Variants in CDH4 observed in about 807,000 individuals in gnomAD.
The protein encoded by CDH4 is cadherin-4.
Under a neutral mutation model 86.0 loss-of-function variants are expected in CDH4, and 33 were observed. The ratio of observed to expected loss-of-function variants is 0.38; its 90% CI spans 0.29 to 0.51. The LOEUF (loss-of-function observed/expected upper bound fraction) is 0.51. Among genes scored for constraint, CDH4 ranks in the 20% least tolerant of loss-of-function variants. The probability of loss-of-function intolerance (pLI) is 0.86; values close to 1 mark genes in which losing one functional copy is unlikely to be tolerated. For missense variants in CDH4, 1,114 were observed against 1,307.4 expected (o/e 0.85, Z 2.28); for synonymous variants, 555 against 549.4 (o/e 1.01, Z -0.14).
chr20:61,546,085 C>T (rs1320570292), intron 2 of CDH4, among the ~76,000 whole-genome samples: 37 of 636 alleles, frequency 0.058, 1 homozygote, highest in African/African-American at 0.074. Flanking sequence ...TTTGTTCACA[C>T]GTGTGTGTGT....
At chr20:61,446,717 C>G (rs879713858) in intron 2 of CDH4, among the ~76,000 whole-genome samples, 5 of 152,114 alleles carry the variant, frequency 3.3e-5, no homozygotes, top group African/African-American at 1.2e-4. Flanking sequence ...CTGGTCTGCC[C>G]GAAGAAAGCC....
intron 2 of CDH4, among the ~76,000 whole-genome samples, chr20:61,431,151 G>A (rs1028182445): frequency 2.0e-5 from 3 of 152,220 alleles, no homozygotes; most frequent in South Asian, 4.1e-4. Flanking sequence ...GGGGAAGCAC[G>A]TGGGTAGAGG....
At chr20:61,285,082 TTTG>T (rs1378222853) in intron 2 of CDH4, among the ~76,000 whole-genome samples, 3 of 144,514 alleles carry the variant, frequency 2.1e-5, no homozygotes, top group African/African-American at 8.3e-5. Flanking sequence ...GTTTTTTTTT[TTTG>T]TTTGTTTGTT....
chr20:61,826,685 C>T lies in CDH4; in HGVS notation c.577-17983C>T, dbSNP rs561768950. 4.6e-5 allele frequency among the ~76,000 whole-genome samples: 7 copies of T among 152,286 alleles called. No homozygotes were observed. In the East Asian group the frequency reaches 9.7e-4, roughly 21 times the overall value. ...TTGTTCTCGGGTGAATTAAGTAAGT[C>T]GCTATTTCACACCTACTGCATGCAT... On this transcript the variant is annotated intron_variant, in intron 4 of 15. Transcript: ENST00000614565.
chr20:61,359,710 G>A (rs1005585766), intron 2 of CDH4, among the ~76,000 whole-genome samples: 1 of 152,174 alleles, frequency 6.6e-6, no homozygotes, highest in Non-Finnish European at 1.5e-5. Flanking sequence ...AAAACCTAAA[G>A]GCTGCATTCT....
In CDH4 at chr20:61,556,706, TCTC is replaced by T. The variant is rs555931187; in HGVS notation, c.170-186855_170-186853del. Reference sequence around the variant, plus strand: ...GGCCACCCGTGTAAGCCCGCGTGCTTCTCCAGTGCCCCCAGTGGAGGTCCCCCA... The same window carrying T: ...GGCCACCCGTGTAAGCCCGCGTGCTTCAGTGCCCCCAGTGGAGGTCCCCCA... On this transcript the variant is annotated intron_variant, in intron 2 of 15. Transcript: ENST00000614565. Among the ~76,000 whole-genome samples the T allele has an allele frequency of 5.8e-4, 88 of 152,192 alleles. 1 individual carries two copies. In the South Asian group the frequency reaches 7.5e-3, roughly 13 times the overall value.
intron 4 of CDH4, among the ~76,000 whole-genome samples, chr20:61,801,911 T>C (rs760416090): frequency 3.3e-5 from 5 of 152,198 alleles, no homozygotes; most frequent in Non-Finnish European, 7.3e-5. Context: ...CAAACTCTCT[T>C]TTGCCATGGA....
intron 2 of CDH4, among the ~76,000 whole-genome samples, chr20:61,367,864 G>A (rs114123545): frequency 0.17 from 24,483 of 144,082 alleles, 2,736 homozygotes; most frequent in East Asian, 0.35. Flanking sequence ...CTTTCTCCAG[G>A]ATCTTTTTTT....
chr20:61,271,997 G>A (rs1017478609), intron 2 of CDH4, among the ~76,000 whole-genome samples: 2 of 152,162 alleles, frequency 1.3e-5, no homozygotes, highest in Non-Finnish European at 2.9e-5. Context: ...GCGGGGGACC[G>A]GGAGGCAAGG....
In CDH4 at chr20:61,773,033, G is replaced by A; in HGVS notation, c.427G>A (p.Asp143Asn). 2 of 1,613,310 alleles carry A rather than the reference G, an allele frequency of 1.2e-6. No individual in the cohort carries two copies. Among genetic ancestry groups the A allele is most frequent in the Non-Finnish European group, 1.7e-6 (2 of 1,179,542 alleles). The change falls in exon 4 of 16, where the codon GAC (aspartate) becomes AAC (asparagine). Residue 143 changes from aspartate to asparagine, a missense_variant. Asp to Asn is a conservative substitution (Grantham distance 23). Around this residue, in one of 3 missense-constraint regions of CDH4, gnomAD observed 221 missense variants for 209.5 expected, o/e 1.05. Transcript: ENST00000614565. The part of the protein sequence containing the change: ...PQKGKKVVAL[D>N]PSPPPKDTLL... ...GAAAGGAAAGAAGGTCGTGGCTCTG[G>A]ACCCCTCTCCGCCTCCGAAGGACAC... is the stretch of plus-strand genomic sequence containing the variant.
At chr20:61,472,826 G>A (rs2145570056) in intron 2 of CDH4, among the ~76,000 whole-genome samples, 1 of 152,126 alleles carries the variant, frequency 6.6e-6, no homozygotes, top group South Asian at 2.1e-4. Flanking sequence ...ATTTTACACA[G>A]GCCTGCTTTT....
At chr20:61,418,501 G>A (rs1600959439) in intron 2 of CDH4, among the ~76,000 whole-genome samples, 1 of 152,120 alleles carries the variant, frequency 6.6e-6, no homozygotes, top group Non-Finnish European at 1.5e-5. Flanking sequence ...TTGAGCCACC[G>A]CGCCTGGCCA....
chr20:61,609,972 ACTTAT>A (rs1379687114), intron 2 of CDH4, among the ~76,000 whole-genome samples: 1 of 152,162 alleles, frequency 6.6e-6, no homozygotes, highest in Non-Finnish European at 1.5e-5. Context: ...CACCTCAAAC[ACTTAT>A]CTTTTCTTAG....
chr20:61,672,866 C>G (rs1045950313), intron 2 of CDH4, among the ~76,000 whole-genome samples: 1 of 151,854 alleles, frequency 6.6e-6, no homozygotes, highest in African/African-American at 2.4e-5. Flanking sequence ...ATGGGTGAGG[C>G]GCAGGCCTGA....
In CDH4 at chr20:61,543,557, A is replaced by G. The variant is rs6121681; in HGVS notation, c.170-200006A>G. Among the ~76,000 whole-genome samples the G allele has an allele frequency of 8.8e-4, 134 of 152,356 alleles. 1 individual carries two copies. Among genetic ancestry groups the G allele is most frequent in the African/African-American group, 3.0e-3 (126 of 41,596 alleles). The stretch of plus-strand genomic sequence containing the variant: ...TACTTATGACATTGCCAAACCAAGC[A>G]TTATCTTTCTATAGTCAGTTATACA... On this transcript the variant is annotated intron_variant, in intron 2 of 15. Transcript: ENST00000614565.
intron 2 of CDH4, among the ~76,000 whole-genome samples, chr20:61,548,196 G>A (rs1226269848): frequency 2.0e-5 from 3 of 152,306 alleles, no homozygotes; most frequent in East Asian, 1.9e-4. Context: ...GCATGGGTAC[G>A]TAAGGGGAGA....
chr20:61,562,479 C>T (rs888328565), intron 2 of CDH4, among the ~76,000 whole-genome samples: 15 of 152,162 alleles, frequency 9.9e-5, no homozygotes, highest in Non-Finnish European at 1.3e-4. Context: ...GGTGGTTTGT[C>T]GCTTCTTTCA....
intron 2 of CDH4, among the ~76,000 whole-genome samples, chr20:61,471,614 A>G (rs2085503951): frequency 6.7e-6 from 1 of 149,992 alleles, no homozygotes; most frequent in Admixed American, 6.6e-5. Context: ...GGTTGTTTAA[A>G]GTTTTTCTAC....
intron 7 of CDH4, among the ~76,000 whole-genome samples, chr20:61,877,699 A>G (rs1187540308): frequency 6.6e-6 from 1 of 152,060 alleles, no homozygotes; most frequent in Non-Finnish European, 1.5e-5. Flanking sequence ...AGCTGCTAAC[A>G]TTCGATTCCA....
Sources: allele counts gnomAD v4.1 joint callset (sites outside exome capture counted in the v4.1 genomes callset), GRCh38; gene constraint gnomAD v4.1.1; regional missense constraint gnomAD v4.1.1; transcripts MANE v1.5; gene names NCBI Gene and HGNC (gene_info 2026-07-23, HGNC 2026-07-21).